BCL2: variants seen among roughly 807,000 people sequenced by gnomAD.
BCL2 encodes apoptosis regulator Bcl-2.
In BCL2, 1 loss-of-function variant was observed where a neutral mutation model predicts 14.2. That is an observed-to-expected ratio of 0.07 (90% CI 0.02 to 0.33). BCL2 has a LOEUF of 0.33. Among genes scored for constraint, BCL2 ranks in the 10% least tolerant of loss-of-function variants. The pLI, the probability that BCL2 is intolerant of heterozygous loss-of-function variation, is 0.99. For missense variants in BCL2, 247 were observed against 305.9 expected, an observed-to-expected ratio of 0.81 and a Z score of 1.44; for synonymous variants, 151 against 137.2, an observed-to-expected ratio of 1.10 and a Z score of -0.70.
intron 2 of BCL2, among the ~76,000 whole-genome samples, chr18:63,200,576 G>A (rs1209409587): frequency 6.6e-6 from 1 of 152,178 alleles, no homozygotes; most frequent in African/African-American, 2.4e-5. Flanking sequence ...AGCCAAAAAT[G>A]ATAGAGTTGG....
intron 2 of BCL2, among the ~76,000 whole-genome samples, chr18:63,177,518 G>C (rs1915377575): frequency 6.6e-6 from 1 of 152,168 alleles, no homozygotes; most frequent in Non-Finnish European, 1.5e-5. Flanking sequence ...CTTCAGCTGA[G>C]TCCCAGCATC....
In BCL2 at chr18:63,123,712, T is replaced by A; in HGVS notation, c.*4913A>T. ...ACAAAAGCAAACCTTGGTTGAAAAC[T>A]TAAGAAGGTATAATAAACAAAACCA... On this transcript the variant is annotated 3_prime_UTR_variant, in exon 3 of 3. Coordinates refer to ENST00000333681, the MANE Select transcript of BCL2 (RefSeq NM_000633.3). 1 of 214,640 alleles carries A rather than the reference T, an allele frequency of 4.7e-6. No individual in the cohort carries two copies. The highest frequency in any genetic ancestry group is 9.4e-6 in the Non-Finnish European group (1 of 106,402). The allele number at this position is 214,640 out of a possible 1,614,324, so 13.3% of individuals were successfully genotyped here.
At chr18:63,135,376 G>T (rs558995701) in intron 2 of BCL2, among the ~76,000 whole-genome samples, 1 of 152,206 alleles carries the variant, frequency 6.6e-6, no homozygotes, top group Non-Finnish European at 1.5e-5. Context: ...TTGCAGGCAG[G>T]TGCTGCTGGA....
chr18:63,202,510 C>T (rs1178752743), intron 2 of BCL2, among the ~76,000 whole-genome samples: 4 of 152,132 alleles, frequency 2.6e-5, no homozygotes, highest in African/African-American at 9.7e-5. Flanking sequence ...AGATAATTTT[C>T]AGCTCTAACA....
intron 2 of BCL2, among the ~76,000 whole-genome samples, chr18:63,141,018 A>G (rs768710513): frequency 3.3e-5 from 5 of 152,134 alleles, no homozygotes; most frequent in Non-Finnish European, 5.9e-5. Context: ...AGGAGGTGGC[A>G]TGGTTTGTGT....
chr18:63,152,575 A>G (rs1914676028), intron 2 of BCL2, among the ~76,000 whole-genome samples: 1 of 152,226 alleles, frequency 6.6e-6, no homozygotes, highest in Non-Finnish European at 1.5e-5. Context: ...TAATTTTCTA[A>G]CATTTGTGTA....
chr18:63,128,666 C>T lies in BCL2; in HGVS notation c.679G>A (p.Gly227Arg), dbSNP rs1473878526. ...TAGGCACCCAGGGTGATGCAAGCTC[C>T]CACCAGGGCCAAACTGAGCAGAGTC... is the stretch of plus-strand genomic sequence containing the variant. ...LKTLLSLALV[G>R]ACITLGAYLG... Residue 227 changes from glycine to arginine, a missense_variant, in exon 3 of 3, where the codon GGA (glycine) becomes AGA (arginine). Around this residue, in one of 3 missense-constraint regions of BCL2, gnomAD observed 36 missense variants for 24.9 expected, o/e 1.45. Transcript: ENST00000333681. The T allele has an allele frequency of 1.3e-6, 1 of 780,934 alleles. No homozygotes were observed. Among genetic ancestry groups the T allele is most frequent in the Non-Finnish European group, 2.4e-6 (1 of 418,122 alleles). 48.4% of individuals were successfully genotyped at this position (780,934 alleles called of 1,614,324 possible).
At position 63,219,451 on chromosome 18, in the gene BCL2, C is replaced by CTTT. The variant is rs11289698; in HGVS notation, c.586-90695_586-90693dup. On this transcript the variant is annotated intron_variant, in intron 2 of 2. Coordinates refer to ENST00000333681, the MANE Select transcript of BCL2 (RefSeq NM_000633.3). Reference sequence around the variant, plus strand: ...ACACCATGTATCAACCACAGCAGAACTTTTTTTTTTTTTTTTTTTTTTTGA... The same window carrying CTTT: ...ACACCATGTATCAACCACAGCAGAACTTTTTTTTTTTTTTTTTTTTTTTTTTGA... Among the ~76,000 whole-genome samples, 293 of 109,768 alleles carry CTTT rather than the reference C, an allele frequency of 2.7e-3. 3 individuals are homozygous for CTTT. The highest frequency in any genetic ancestry group is 7.1e-3 in the African/African-American group (204 of 28,536). 72.0% of individuals were successfully genotyped at this position (109,768 alleles called of 152,430 possible). A position where few individuals can be genotyped will look rare whatever the true frequency, so the allele number is the denominator to read the frequency against.
intron 2 of BCL2, among the ~76,000 whole-genome samples, chr18:63,304,376 C>G (rs749478974): frequency 2.6e-5 from 4 of 152,170 alleles, no homozygotes; most frequent in Admixed American, 2.0e-4. Flanking sequence ...GGAAACCCTA[C>G]TGATGAAGGC....
chr18:63,314,863 C>T (rs542049743), intron 2 of BCL2: 2 of 152,268 alleles, frequency 1.3e-5, no homozygotes, highest in East Asian at 1.9e-4. Context: ...ATAACTACTA[C>T]GAAAAATATT....
chr18:63,133,319 ATTTTTTTTT>A (rs34022610), intron 2 of BCL2, among the ~76,000 whole-genome samples: 3 of 103,382 alleles, frequency 2.9e-5, no homozygotes, highest in South Asian at 3.2e-4. Flanking sequence ...ACCTTCAAGA[ATTTTTTTTT>A]TTTTTTTTTT....
rs959614361 is a variant in BCL2, at chr18:63,302,564, A to G, written c.585+15518T>C. ...AGATGTTGAATTGAAATTTTTTAATATGTGCTTTATTAAACAAACCACTTA... is the reference window on the plus strand; with the variant it reads ...AGATGTTGAATTGAAATTTTTTAATGTGTGCTTTATTAAACAAACCACTTA... On this transcript the variant is annotated intron_variant, in intron 2 of 2. Coordinates refer to ENST00000333681, the MANE Select transcript of BCL2 (RefSeq NM_000633.3). 3 of 985,168 alleles carry G rather than the reference A, an allele frequency of 3.0e-6. No homozygotes were observed. In the African/African-American group the frequency reaches 5.2e-5, roughly 17 times the overall value. The allele number at this position is 985,168 out of a possible 1,614,324, so 61.0% of individuals were successfully genotyped here.
At position 63,125,378 on chromosome 18, in the gene BCL2, C is replaced by T. The variant is rs1281339930; in HGVS notation, c.*3247G>A. 3.1e-5 allele frequency: 7 copies of T among 224,520 alleles called. No homozygotes were observed. The East Asian group carries it at 4.4e-4, about 14-fold the overall frequency. The allele number at this position is 224,520 out of a possible 1,614,324, so 13.9% of individuals were successfully genotyped here. On this transcript the variant is annotated 3_prime_UTR_variant, in exon 3 of 3. Transcript: ENST00000333681. Reference sequence around the variant, plus strand: ...TCGGAGACGACCCGATGGCCATAGACCCTGTCAGCTGTCATTCTGGCCTCT... The same window carrying T: ...TCGGAGACGACCCGATGGCCATAGATCCTGTCAGCTGTCATTCTGGCCTCT...
chr18:63,124,642 T>TAA lies in BCL2; in HGVS notation c.*3982_*3983insTT. 5.5e-6 allele frequency: 1 copy of TAA among 181,380 alleles called. No individual in the cohort carries two copies. Among genetic ancestry groups the TAA allele is most frequent in the Non-Finnish European group, 1.1e-5 (1 of 92,676 alleles). 11.2% of individuals were successfully genotyped at this position (181,380 alleles called of 1,614,324 possible). A position where few individuals can be genotyped will look rare whatever the true frequency, so the allele number is the denominator to read the frequency against. ...CAAATGTCCTTTGTCCCATAATAAT[T>TAA]TAAAAAAAAAATCCCTGAAAGATCC... On this transcript the variant is annotated 3_prime_UTR_variant, in exon 3 of 3. Coordinates refer to ENST00000333681, the MANE Select transcript of BCL2 (RefSeq NM_000633.3).
At chr18:63,297,951 C>T (rs1228609868) in intron 2 of BCL2, among the ~76,000 whole-genome samples, 1 of 152,166 alleles carries the variant, frequency 6.6e-6, no homozygotes, top group African/African-American at 2.4e-5. Flanking sequence ...CCTGTGAAAT[C>T]ATTTGCATTC....
chr18:63,207,260 C>G (rs559316215), intron 2 of BCL2, among the ~76,000 whole-genome samples: 1 of 152,116 alleles, frequency 6.6e-6, no homozygotes, highest in Non-Finnish European at 1.5e-5. Context: ...ACCCCAGGGC[C>G]GATGGGCACC....
At chr18:63,211,225 T>G (rs1456261031) in intron 2 of BCL2, among the ~76,000 whole-genome samples, 1 of 151,910 alleles carries the variant, frequency 6.6e-6, no homozygotes, top group Non-Finnish European at 1.5e-5. Flanking sequence ...ACCCAGCTAA[T>G]TTTTGTATTT....
rs183323776 is a variant in BCL2, at chr18:63,312,182, C to T, written c.585+5900G>A. 5.3e-5 allele frequency among the ~76,000 whole-genome samples: 8 copies of T among 152,258 alleles called. No homozygotes were observed. In the East Asian group the frequency reaches 9.7e-4, roughly 18 times the overall value. On this transcript the variant is annotated intron_variant, in intron 2 of 2. Transcript: ENST00000333681. ...CTTTTGCTAGTATCTAAGCGCATTA[C>T]GGTTTTCTTCAGGTAAATCCTACCC...
chr18:63,235,995 C>T (rs1264488373), intron 2 of BCL2, among the ~76,000 whole-genome samples: 2 of 152,196 alleles, frequency 1.3e-5, no homozygotes, highest in African/African-American at 4.8e-5. Context: ...TGAATTGTAG[C>T]TCCCATAATC....
Sources: gnomAD v4.1 joint callset for allele counts (sites outside exome capture counted in the v4.1 genomes callset) on GRCh38, gnomAD v4.1.1 for gene constraint, gnomAD v4.1.1 regional missense constraint, MANE v1.5 for transcripts, NCBI Gene and HGNC (gene_info 2026-07-23, HGNC 2026-07-21) for gene names.